The following AGBL3 variants were observed in gnomAD, a reference collection of about 807,000 sequenced individuals.
AGBL3 encodes cytosolic carboxypeptidase 3.
Under a neutral mutation model 94.5 loss-of-function variants are expected in AGBL3, and 68 were observed. The observed-to-expected ratio is 0.72, with a 90% CI of 0.59 to 0.88. The LOEUF is 0.88. AGBL3 is among the 40% of genes least tolerant of loss of function. The pLI, the probability that AGBL3 is intolerant of heterozygous loss-of-function variation, is 0.00. For synonymous variants in AGBL3, 354 were observed against 370.7 expected, an observed-to-expected ratio of 0.95 and a Z score of 0.52; for missense variants, 934 against 1,103.8, an observed-to-expected ratio of 0.85 and a Z score of 2.18.
At chr7:135,103,675 T>C (rs753617286) in intron 15 of AGBL3, among the ~76,000 whole-genome samples, 1 of 152,222 alleles carries the variant, frequency 6.6e-6, no homozygotes, top group Admixed American at 6.5e-5. Context: ...ATAATAGATA[T>C]CTGTAGTCAC....
At chr7:135,115,177 G>T (rs185721700) in intron 15 of AGBL3, among the ~76,000 whole-genome samples, 3 of 151,872 alleles carry the variant, frequency 2.0e-5, no homozygotes, top group Admixed American at 6.6e-5. Context: ...ACTCCCCTCC[G>T]CAGCTTTACT....
At chr7:135,060,841 T>C (rs1016476603) in intron 12 of AGBL3, among the ~76,000 whole-genome samples, 20 of 152,294 alleles carry the variant, frequency 1.3e-4, no homozygotes, top group Admixed American at 1.2e-3. Context: ...CTATTGTGAA[T>C]AGTGCTGCAA....
intron 5 of AGBL3, among the ~76,000 whole-genome samples, chr7:135,032,310 T>C (rs889985187): frequency 6.6e-6 from 1 of 151,970 alleles, no homozygotes; most frequent in African/African-American, 2.4e-5. Flanking sequence ...TTTTGTTTTT[T>C]TGTTCTTTTT....
intron 12 of AGBL3, among the ~76,000 whole-genome samples, chr7:135,069,567 A>G (rs960474966): frequency 1.3e-5 from 2 of 152,250 alleles, no homozygotes; most frequent in African/African-American, 4.8e-5. Flanking sequence ...CAGGATTAAG[A>G]AACTCATTCA....
At chr7:135,120,823 G>A (rs998233023) in intron 16 of AGBL3, among the ~76,000 whole-genome samples, 12 of 152,126 alleles carry the variant, frequency 7.9e-5, no homozygotes, top group Admixed American at 6.5e-4. Flanking sequence ...GATTTTAGAG[G>A]AAAGAAAATT....
intron 8 of AGBL3, among the ~76,000 whole-genome samples, chr7:135,041,699 T>C (rs964477906): frequency 1.3e-5 from 2 of 152,138 alleles, no homozygotes; most frequent in African/African-American, 4.8e-5. Context: ...AATTGATAAA[T>C]TGGACATCAT....
chr7:135,111,607 T>A (rs2348276), intron 15 of AGBL3, among the ~76,000 whole-genome samples: 36,135 of 151,656 alleles, frequency 0.24, 5,346 homozygotes, highest in South Asian at 0.42. Flanking sequence ...TCACAATAGC[T>A]ATTGTGAAAT....
chr7:135,123,360 GA>G (rs1160502384), intron 16 of AGBL3, among the ~76,000 whole-genome samples: 1 of 152,076 alleles, frequency 6.6e-6, no homozygotes, highest in Non-Finnish European at 1.5e-5. Flanking sequence ...GAATAAAAAG[GA>G]ATCAACAAAG....
chr7:135,057,601 G>T (rs761640226), intron 11 of AGBL3, among the ~76,000 whole-genome samples: 2 of 152,136 alleles, frequency 1.3e-5, no homozygotes, highest in Non-Finnish European at 2.9e-5. Flanking sequence ...ATGCAAAATG[G>T]TACAGCTATT....
Position 135,115,552 on chromosome 7 carries a change from G to T in AGBL3, c.2283G>T (p.Met761Ile), listed in dbSNP as rs978151145. 1.3e-6 allele frequency: 2 copies of T among 1,551,238 alleles called. No homozygotes were observed. Among genetic ancestry groups the T allele is most frequent in the Non-Finnish European group, 1.7e-6 (2 of 1,146,830 alleles). ...CCATCGTGCATAGCACTAAAAACATGCAAACCACTCAGATAAAACAGCTAT... is the reference window on the plus strand; with the variant it reads ...CCATCGTGCATAGCACTAAAAACATTCAAACCACTCAGATAAAACAGCTAT... ...LLPIVHSTKN[M>I]QTTQIKQLFN... is the part of the protein sequence containing the mutation. The change falls in exon 16 of 17, where the codon ATG (methionine) becomes ATT (isoleucine). Residue 761 changes from methionine (M) to isoleucine (I), a missense_variant. This residue lies in a region of AGBL3 where 441 missense variants were observed against 518.2 expected (regional missense o/e 0.85). Transcript: ENST00000436302.
intron 11 of AGBL3, among the ~76,000 whole-genome samples, chr7:135,055,493 A>AT (rs1328386403): frequency 1.3e-5 from 2 of 151,058 alleles, no homozygotes; most frequent in Non-Finnish European, 2.9e-5. Context: ...GATTTTGTCA[A>AT]ATGCTTTATG....
intron 13 of AGBL3, among the ~76,000 whole-genome samples, chr7:135,079,646 T>TC (rs397745938): frequency 2.0e-5 from 3 of 150,536 alleles, no homozygotes; most frequent in South Asian, 2.1e-4. Context: ...TTTTTTTTTT[T>TC]CGGTAGAGGC....
intron 15 of AGBL3, among the ~76,000 whole-genome samples, chr7:135,087,702 C>T (rs1821439150): frequency 6.6e-6 from 1 of 151,874 alleles, no homozygotes; most frequent in Non-Finnish European, 1.5e-5. Flanking sequence ...GATATTATTT[C>T]AGTTATTTTA....
chr7:135,129,113 A>G, intron 16 of AGBL3: 1 of 1,555,892 alleles, frequency 6.4e-7, no homozygotes, highest in South Asian at 1.1e-5. Context: ...TCAAAGAGCT[A>G]GTGGAAGCAG....
At chr7:135,117,525 T>C (rs1826494891) in intron 16 of AGBL3, among the ~76,000 whole-genome samples, 1 of 152,208 alleles carries the variant, frequency 6.6e-6, no homozygotes, top group Admixed American at 6.5e-5. Flanking sequence ...TTGCTTATTC[T>C]CACTTTACCC....
chr7:135,087,950 T>C (rs1313114989), intron 15 of AGBL3, among the ~76,000 whole-genome samples: 1 of 152,098 alleles, frequency 6.6e-6, no homozygotes, highest in Non-Finnish European at 1.5e-5. Flanking sequence ...TATCAAATTC[T>C]ATCTCTCCCT....
chr7:135,014,423 A>G (rs1407431410), intron 4 of AGBL3, among the ~76,000 whole-genome samples: 1 of 152,148 alleles, frequency 6.6e-6, no homozygotes, highest in Non-Finnish European at 1.5e-5. Flanking sequence ...TCCCTTTTAT[A>G]AGATCATTTG....
intron 5 of AGBL3, among the ~76,000 whole-genome samples, chr7:135,018,387 C>A (rs918669557): frequency 4.6e-5 from 7 of 152,240 alleles, no homozygotes; most frequent in Non-Finnish European, 8.8e-5. Context: ...TTGTCCACAG[C>A]CAAAGGGCAA....
intron 15 of AGBL3, among the ~76,000 whole-genome samples, chr7:135,105,173 G>C (rs534266022): frequency 6.7e-6 from 1 of 149,858 alleles, no homozygotes; most frequent in African/African-American, 2.4e-5. Flanking sequence ...AGATTCAAGA[G>C]ATTCTCTTGC....
Sources: allele counts gnomAD v4.1 joint callset (sites outside exome capture counted in the v4.1 genomes callset), GRCh38; gene constraint gnomAD v4.1.1; regional missense constraint gnomAD v4.1.1; transcripts MANE v1.5; gene names NCBI Gene and HGNC (gene_info 2026-07-23, HGNC 2026-07-21).